The following KIF6 variants were observed in gnomAD, a reference collection of about 807,000 sequenced individuals.
KIF6 encodes kinesin family member 6, also known as kinesin-like protein KIF6.
Under a neutral mutation model 112.7 loss-of-function variants are expected in KIF6, and 106 were observed. That is an observed-to-expected ratio of 0.94 (90% CI 0.80 to 1.11). The LOEUF (loss-of-function observed/expected upper bound fraction) is 1.11, where lower values mean the gene tolerates loss of function less well. KIF6 is among the 50% of genes least tolerant of loss of function. The pLI, the probability that KIF6 is intolerant of heterozygous loss-of-function variation, is 0.00. For missense variants in KIF6, 929 were observed against 964.0 expected, an observed-to-expected ratio of 0.96 and a Z score of 0.48; for synonymous variants, 339 against 339.9, an observed-to-expected ratio of 1.00 and a Z score of 0.03.
intron 13 of KIF6, among the ~76,000 whole-genome samples, chr6:39,473,088 G>C (rs1774223856): frequency 6.6e-6 from 1 of 152,038 alleles, no homozygotes; most frequent in African/African-American, 2.4e-5. Flanking sequence ...ATTTCTCCAT[G>C]TTGGTCAGGC....
At chr6:39,405,217 G>T (rs2150344905) in intron 15 of KIF6, among the ~76,000 whole-genome samples, 1 of 152,108 alleles carries the variant, frequency 6.6e-6, no homozygotes, top group African/African-American at 2.4e-5. Context: ...TATTTTTCTT[G>T]CTTACTTGCA....
chr6:39,686,623 C>T (rs1212160289), intron 3 of KIF6, among the ~76,000 whole-genome samples: 1 of 152,118 alleles, frequency 6.6e-6, no homozygotes, highest in East Asian at 1.9e-4. Flanking sequence ...GCAGAGTGAA[C>T]TGCAAAGAAA....
chr6:39,523,526 A>T (rs1777513966), intron 13 of KIF6, among the ~76,000 whole-genome samples: 1 of 150,356 alleles, frequency 6.7e-6, no homozygotes, highest in African/African-American at 2.4e-5. Context: ...ATCCAACCCA[A>T]CCAAATGCTT....
At chr6:39,481,269 TG>T (rs1429780608) in intron 13 of KIF6, among the ~76,000 whole-genome samples, 2 of 151,876 alleles carry the variant, frequency 1.3e-5, no homozygotes, top group Non-Finnish European at 2.9e-5. Flanking sequence ...GAGTGTCAGG[TG>T]GTAATGGAAC....
rs548039136 is a variant in KIF6 at position 39,615,387 on chromosome 6, T to C, written c.510-2069A>G. On this transcript the variant is annotated intron_variant, in intron 5 of 22. Transcript: ENST00000287152. ...CAGCAAACAATTCAAAGGTGGTGCA[T>C]ACACTCATTGGGCACTAAATGTACG... Among the ~76,000 whole-genome samples, 26 of 152,272 alleles carry C rather than the reference T, an allele frequency of 1.7e-4. 1 individual carries two copies. The highest frequency in any genetic ancestry group is 1.2e-4 in the Non-Finnish European group (8 of 68,008).
chr6:39,513,722 C>T (rs547615683), intron 13 of KIF6, among the ~76,000 whole-genome samples: 1 of 152,298 alleles, frequency 6.6e-6, no homozygotes, highest in South Asian at 2.1e-4. Flanking sequence ...TTTCCACCCA[C>T]TGTGCCTTCT....
chr6:39,373,452 G>A (rs571172331), intron 16 of KIF6, among the ~76,000 whole-genome samples: 43 of 152,222 alleles, frequency 2.8e-4, no homozygotes, highest in African/African-American at 9.6e-4. Flanking sequence ...CTGATGACTT[G>A]AGTTTATATA....
intron 3 of KIF6, among the ~76,000 whole-genome samples, chr6:39,681,414 C>T (rs1177596256): frequency 6.6e-6 from 1 of 152,038 alleles, no homozygotes. Context: ...AAAACAGCAC[C>T]TGAGGATGTA....
intron 5 of KIF6, among the ~76,000 whole-genome samples, chr6:39,629,179 G>A (rs1351680284): frequency 2.0e-5 from 3 of 152,048 alleles, no homozygotes; most frequent in South Asian, 2.1e-4. Context: ...AACTCATTTC[G>A]GTAAAAACCT....
At chr6:39,385,357 G>A (rs1259776299) in intron 16 of KIF6, among the ~76,000 whole-genome samples, 1 of 152,134 alleles carries the variant, frequency 6.6e-6, no homozygotes. Flanking sequence ...GTGGGGATGT[G>A]GGGTGGGAAA....
chr6:39,554,859 A>T, intron 10 of KIF6: 1 of 194,212 alleles, frequency 5.1e-6, no homozygotes, highest in South Asian at 1.1e-4. Flanking sequence ...ATCTGCCAAG[A>T]TCATGAGATC....
intron 10 of KIF6, among the ~76,000 whole-genome samples, chr6:39,561,845 C>T (rs1187676527): frequency 6.6e-6 from 1 of 152,196 alleles, no homozygotes; most frequent in Non-Finnish European, 1.5e-5. Context: ...CAAGGTTTGG[C>T]ATGAAGTGGT....
At chr6:39,600,351 C>CT (rs960116197) in intron 6 of KIF6, among the ~76,000 whole-genome samples, 8 of 152,152 alleles carry the variant, frequency 5.3e-5, no homozygotes, top group African/African-American at 1.9e-4. Flanking sequence ...ATGTATATCA[C>CT]TGTGTTAGGC....
At chr6:39,437,528 T>C (rs1357609032) in intron 13 of KIF6, among the ~76,000 whole-genome samples, 2 of 152,190 alleles carry the variant, frequency 1.3e-5, no homozygotes, top group Non-Finnish European at 2.9e-5. Context: ...ATTGTGATGG[T>C]GTGAAAAATG....
chr6:39,430,409 C>A (rs1174273901), intron 14 of KIF6, among the ~76,000 whole-genome samples: 2 of 152,152 alleles, frequency 1.3e-5, no homozygotes, highest in Admixed American at 1.3e-4. Flanking sequence ...AGAGTTCACC[C>A]TTTCTTCTGA....
rs1472774048 is a variant in KIF6, at chr6:39,334,349, G to A, written c.*2183C>T. 2 of 152,374 alleles carry A rather than the reference G, an allele frequency of 1.3e-5. No individual in the cohort carries two copies. The highest frequency in any genetic ancestry group is 2.9e-5 in the Non-Finnish European group (2 of 68,142). The allele number at this position is 152,374 out of a possible 1,614,324, so 9.4% of individuals were successfully genotyped here. On this transcript the variant is annotated 3_prime_UTR_variant, in exon 23 of 23. Coordinates refer to ENST00000287152, the MANE Select transcript of KIF6 (RefSeq NM_145027.6). ...CAATCCCAGCACTTTGGGAGGCCAAGGCGGGAGCATCGCTTAAGGCCAGGA... is the reference window on the plus strand; with the variant it reads ...CAATCCCAGCACTTTGGGAGGCCAAAGCGGGAGCATCGCTTAAGGCCAGGA...
chr6:39,504,700 C>T (rs1284473726), intron 13 of KIF6, among the ~76,000 whole-genome samples: 1 of 152,026 alleles, frequency 6.6e-6, no homozygotes, highest in South Asian at 2.1e-4. Context: ...TCCTATATAC[C>T]AACAACAGGC....
At chr6:39,364,976 T>C (rs759347859) in intron 16 of KIF6, among the ~76,000 whole-genome samples, 6 of 152,232 alleles carry the variant, frequency 3.9e-5, no homozygotes, top group African/African-American at 7.2e-5. Flanking sequence ...TTTTTAAAAA[T>C]AAGTGATTGT....
At position 39,343,610 on chromosome 6, in the gene KIF6, T is replaced by G. The variant is rs1009573314; in HGVS notation, c.2428+99A>C. 11 of 1,143,676 alleles carry G rather than the reference T, an allele frequency of 9.6e-6. No homozygotes were observed. The allele number at this position is 1,143,676 out of a possible 1,614,324, so 70.8% of individuals were successfully genotyped here. A position where few individuals can be genotyped will look rare whatever the true frequency, so the allele number is the denominator to read the frequency against. On this transcript the variant is annotated intron_variant, in intron 22 of 22. Coordinates refer to ENST00000287152, the MANE Select transcript of KIF6 (RefSeq NM_145027.6). The surrounding 1 kb of genome is among the most constrained non-coding windows in gnomAD (Gnocchi z 4.1). Reference sequence around the variant, plus strand: ...GGCCAGTCCTGTGGCTTCAGGAATATGCAGGAAACTCCCTACTCCCCTCCC... The same window carrying G: ...GGCCAGTCCTGTGGCTTCAGGAATAGGCAGGAAACTCCCTACTCCCCTCCC...
Sources: allele counts gnomAD v4.1 joint callset (sites outside exome capture counted in the v4.1 genomes callset), GRCh38; gene constraint gnomAD v4.1.1; non-coding constraint Gnocchi (gnomAD v3.1); transcripts MANE v1.5; gene names NCBI Gene and HGNC (gene_info 2026-07-23, HGNC 2026-07-21).